The following NBEA variants were observed in gnomAD, a reference collection of about 807,000 sequenced individuals.
NBEA encodes the protein lysosomal-trafficking regulator 2.
Under a neutral mutation model 343.4 loss-of-function variants are expected in NBEA, and 44 were observed. The observed-to-expected ratio is 0.13, with a 90% confidence interval of 0.10 to 0.16. The LOEUF is 0.16. Ranked by LOEUF, NBEA falls within the 10% of genes least tolerant of loss-of-function variation. The pLI is 1.00. For synonymous variants in NBEA, 1,175 were observed against 1,238.7 expected (o/e 0.95, Z 1.08); for missense variants, 2,555 against 3,631.3 (o/e 0.70, Z 7.62).
At chr13:35,197,074 A>G (rs1296369196) in intron 31 of NBEA, among the ~76,000 whole-genome samples, 1 of 152,172 alleles carries the variant, frequency 6.6e-6, no homozygotes, top group Non-Finnish European at 1.5e-5. Context: ...CTAGTCATCT[A>G]ATATCTTCCA....
chr13:35,433,472 T>C (rs1026366785), intron 39 of NBEA, among the ~76,000 whole-genome samples: 1 of 152,046 alleles, frequency 6.6e-6, no homozygotes, highest in Non-Finnish European at 1.5e-5. Flanking sequence ...GTTTATGTCA[T>C]GTAAAACCAT....
At chr13:35,548,538 T>C (rs541866996) in intron 41 of NBEA, among the ~76,000 whole-genome samples, 1 of 152,272 alleles carries the variant, frequency 6.6e-6, no homozygotes, top group South Asian at 2.1e-4. Flanking sequence ...CAACACAGCT[T>C]TCATGGGAAG....
rs768038359 is a variant in NBEA, at chr13:35,156,224, T to A, written c.2651+18T>A. 1.9e-5 allele frequency: 30 copies of A among 1,545,416 alleles called. No homozygotes were observed. The East Asian group carries it at 5.5e-4, about 28-fold the overall frequency. ...AATAGAAGGTAAGCAGTTTGGATACTGTAACAACACTTTATTCCATAATTA... is the reference window on the plus strand; with the variant it reads ...AATAGAAGGTAAGCAGTTTGGATACAGTAACAACACTTTATTCCATAATTA... On this transcript the variant is annotated intron_variant, in intron 20 of 58. Transcript: ENST00000379939.
At chr13:35,572,668 G>A (rs902937689) in intron 45 of NBEA, among the ~76,000 whole-genome samples, 1 of 152,030 alleles carries the variant, frequency 6.6e-6, no homozygotes, top group Non-Finnish European at 1.5e-5. Context: ...AGTTTATATT[G>A]GTAAGGTGGG....
At chr13:34,962,169 G>A (rs1030961814) in intron 1 of NBEA, among the ~76,000 whole-genome samples, 8 of 151,956 alleles carry the variant, frequency 5.3e-5, no homozygotes, top group African/African-American at 1.9e-4. Flanking sequence ...GTGGTCTGGA[G>A]ATTTCTGAAA....
At chr13:35,351,032 G>T (rs2040171759) in intron 37 of NBEA, among the ~76,000 whole-genome samples, 3 of 151,884 alleles carry the variant, frequency 2.0e-5, no homozygotes, top group Admixed American at 2.0e-4. Flanking sequence ...GCAGATCGTT[G>T]TACTAATTGG....
intron 28 of NBEA, 103 bp from the exon 29 acceptor site, chr13:35,182,257 A>T: frequency 1.4e-6 from 1 of 740,458 alleles, no homozygotes; most frequent in Non-Finnish European, 2.0e-6. Flanking sequence ...GTTACATATC[A>T]TATTTTGCCT....
At chr13:35,493,994 A>G (rs1177166388) in intron 41 of NBEA, among the ~76,000 whole-genome samples, 4 of 151,916 alleles carry the variant, frequency 2.6e-5, no homozygotes, top group Non-Finnish European at 4.4e-5. Context: ...TGATTTCTTT[A>G]TAATGTATAA....
At chr13:35,369,075 A>T (rs1020479936) in intron 38 of NBEA, among the ~76,000 whole-genome samples, 1 of 149,570 alleles carries the variant, frequency 6.7e-6, no homozygotes, top group Non-Finnish European at 1.5e-5. Context: ...CCTTTAATAC[A>T]TCTTTAGTTC....
At chr13:35,119,172 A>T (rs2066659217) in intron 16 of NBEA, among the ~76,000 whole-genome samples, 1 of 152,230 alleles carries the variant, frequency 6.6e-6, no homozygotes, top group Non-Finnish European at 1.5e-5. Context: ...GATAGGTGAA[A>T]TATAATTTCT....
chr13:35,238,229 A>G (rs2075322391), intron 34 of NBEA, among the ~76,000 whole-genome samples: 1 of 152,222 alleles, frequency 6.6e-6, no homozygotes, highest in South Asian at 2.1e-4. Flanking sequence ...GCTCACAGAA[A>G]TATTCAGAGT....
At chr13:35,450,937 T>C (rs1378634568) in intron 39 of NBEA, among the ~76,000 whole-genome samples, 2 of 152,222 alleles carry the variant, frequency 1.3e-5, no homozygotes, top group African/African-American at 4.8e-5. Context: ...TTATATTAAT[T>C]GACACCTGCC....
At position 35,667,438 on chromosome 13, in the gene NBEA, C is replaced by T; in HGVS notation, c.8529C>T (p.Asn2843=). 5 of 1,613,990 alleles carry T rather than the reference C, an allele frequency of 3.1e-6. No individual in the cohort carries two copies. Among genetic ancestry groups the T allele is most frequent in the Non-Finnish European group, 4.2e-6 (5 of 1,179,884 alleles). Residue 2843 remains asparagine, a synonymous_variant, in exon 57 of 59, where the codon AAC becomes AAT. Coordinates refer to ENST00000379939, the MANE Select transcript of NBEA (RefSeq NM_001385012.1). ...TGAGAGCCCTTGAAGGACCAGAAAA[C>T]TGCTTATTCCCACGCTTGATATCTG... ...DLLRALEGPE[N]CLFPRLISVS... is the part of the protein sequence containing the mutation.
rs542770037 is a variant in NBEA, at chr13:35,558,793, A to G, written c.6922+3691A>G. 2.9e-4 allele frequency among the ~76,000 whole-genome samples: 44 copies of G among 152,334 alleles called. 1 individual carries two copies. The highest frequency in any genetic ancestry group is 1.2e-3 in the Admixed American group (18 of 15,302). On this transcript the variant is annotated intron_variant, in intron 44 of 58. Transcript: ENST00000379939. Reference sequence around the variant, plus strand: ...ACCTAATTATCAGGGCAAGATTTGCATATAAAACATTTAAAACATAGAAGA... The same window carrying G: ...ACCTAATTATCAGGGCAAGATTTGCGTATAAAACATTTAAAACATAGAAGA...
intron 36 of NBEA, among the ~76,000 whole-genome samples, chr13:35,328,032 G>T (rs2038689940): frequency 6.6e-6 from 1 of 151,832 alleles, no homozygotes; most frequent in South Asian, 2.1e-4. Context: ...TTTCCTTGTG[G>T]ATCTAAAACA....
At chr13:35,633,820 A>C (rs777405246) in intron 49 of NBEA, among the ~76,000 whole-genome samples, 2 of 152,152 alleles carry the variant, frequency 1.3e-5, no homozygotes, top group African/African-American at 4.8e-5. Context: ...TGACACCAAA[A>C]CTATCAATTT....
intron 10 of NBEA, among the ~76,000 whole-genome samples, chr13:35,086,688 C>T (rs2064783574): frequency 6.6e-6 from 1 of 151,920 alleles, no homozygotes; most frequent in African/African-American, 2.4e-5. Flanking sequence ...AGCAGGATTG[C>T]TGGGTCGAAT....
intron 41 of NBEA, among the ~76,000 whole-genome samples, chr13:35,526,264 A>G (rs1185301555): frequency 6.6e-6 from 1 of 152,216 alleles, no homozygotes; most frequent in South Asian, 2.1e-4. Context: ...AGAAAAACCA[A>G]CCAATGTCAT....
At chr13:35,452,634 C>T (rs1294619822) in intron 40 of NBEA, among the ~76,000 whole-genome samples, 1 of 152,128 alleles carries the variant, frequency 6.6e-6, no homozygotes, top group Admixed American at 6.5e-5. Flanking sequence ...TTGCCATTTC[C>T]TCCCATTTGT....
Sources: allele counts gnomAD v4.1 joint callset (sites outside exome capture counted in the v4.1 genomes callset), GRCh38; gene constraint gnomAD v4.1.1; transcripts MANE v1.5; gene names NCBI Gene and HGNC (gene_info 2026-07-23, HGNC 2026-07-21).